Variants in SLC25A30 observed in about 807,000 individuals in gnomAD.
SLC25A30 encodes the protein solute carrier family 25 member 30.
In SLC25A30, 29 loss-of-function variants were observed where a neutral mutation model predicts 42.7. The observed-to-expected ratio is 0.68, with a 90% confidence interval of 0.51 to 0.93. SLC25A30 has a LOEUF of 0.93. Ranked by LOEUF, SLC25A30 falls within the 40% of genes least tolerant of loss-of-function variation. The pLI, the probability that SLC25A30 is intolerant of heterozygous loss-of-function variation, is 0.00. For missense variants in SLC25A30, 300 were observed against 359.7 expected, an observed-to-expected ratio of 0.83 and a Z score of 1.34; for synonymous variants, 124 against 131.0, an observed-to-expected ratio of 0.95 and a Z score of 0.37.
At chr13:45,417,073 G>A (rs1380652817) in intron 1 of SLC25A30, among the ~76,000 whole-genome samples, 2 of 152,168 alleles carry the variant, frequency 1.3e-5, no homozygotes, top group African/African-American at 4.8e-5. Flanking sequence ...GAGTACAATA[G>A]CATGATCTCG....
At chr13:45,425,063 T>TATATATATAAATATATAA in the SLC25A30 span, among the ~76,000 whole-genome samples, 2 of 77,780 alleles carry the variant, frequency 2.6e-5, 1 homozygote, top group Non-Finnish European at 4.5e-5. Context: ...AATATATAAG[T>TATATATATAAATATATAA]ATATATACAT....
At chr13:45,416,089 C>T (rs1020608706) in intron 1 of SLC25A30, among the ~76,000 whole-genome samples, 6 of 151,410 alleles carry the variant, frequency 4.0e-5, no homozygotes, top group African/African-American at 7.3e-5. Flanking sequence ...TGAACCACGG[C>T]GCCCGGTCCA....
At chr13:45,424,450 TATATAAAC>T in the SLC25A30 span, among the ~76,000 whole-genome samples, 19 of 66,062 alleles carry the variant, frequency 2.9e-4, no homozygotes, top group Non-Finnish European at 3.6e-4. Context: ...TATATAAAAA[TATATAAAC>T]ATATAAAAAT....
rs575966634 is a variant in SLC25A30, at chr13:45,393,546, G to A, written c.*2428C>T. On this transcript the variant is annotated 3_prime_UTR_variant, in exon 10 of 10. Transcript: ENST00000519676. ...CATCAATGATTACACAAATCCATAAGCACACAAACAAAAAAACCCATTGGT... is the reference window on the plus strand; with the variant it reads ...CATCAATGATTACACAAATCCATAAACACACAAACAAAAAAACCCATTGGT... 3.0e-6 allele frequency: 3 copies of A among 985,234 alleles called. No homozygotes were observed. The African/African-American group carries it at 5.2e-5, about 17-fold the overall frequency. 61.0% of individuals were successfully genotyped at this position (985,234 alleles called of 1,614,324 possible). A position where few individuals can be genotyped will look rare whatever the true frequency, so the allele number is the denominator to read the frequency against.
chr13:45,402,916 A>G (rs951188455), intron 5 of SLC25A30: 6 of 512,290 alleles, frequency 1.2e-5, no homozygotes, highest in Middle Eastern at 9.5e-4. Flanking sequence ...AGTGGAATCC[A>G]CATGACCAAG....
At chr13:45,425,946 G>A in the SLC25A30 span, among the ~76,000 whole-genome samples, 2 of 147,804 alleles carry the variant, frequency 1.4e-5, no homozygotes, top group African/African-American at 2.5e-5. Flanking sequence ...ACCTGCCTCA[G>A]CCTCCCAAAG....
chr13:45,428,233 G>A, the SLC25A30 span, among the ~76,000 whole-genome samples: 1 of 148,248 alleles, frequency 6.7e-6, no homozygotes, highest in African/African-American at 2.5e-5. Flanking sequence ...TTTTTTTTGA[G>A]ACAGAGTCTC....
the SLC25A30 span, among the ~76,000 whole-genome samples, chr13:45,430,306 CTT>C: frequency 6.6e-6 from 1 of 151,712 alleles, no homozygotes; most frequent in Non-Finnish European, 1.5e-5. Flanking sequence ...AAGAGTAAGT[CTT>C]TACTTAAAGA....
chr13:45,398,863 C>T (rs1191776940), intron 8 of SLC25A30, 77 bp downstream of exon 8: 1 of 1,510,648 alleles, frequency 6.6e-7, no homozygotes, highest in Non-Finnish European at 9.0e-7. Flanking sequence ...GTTTTAGTAG[C>T]TTTCATAATT....
chr13:45,425,609 C>CATATATATAAAT, the SLC25A30 span, among the ~76,000 whole-genome samples: 1 of 27,148 alleles, frequency 3.7e-5, no homozygotes, highest in African/African-American at 1.5e-4. Context: ...TATATATATA[C>CATATATATAAAT]ATATATAAAT....
At chr13:45,423,600 TATATAA>T in the SLC25A30 span, among the ~76,000 whole-genome samples, 2 of 106,004 alleles carry the variant, frequency 1.9e-5, 1 homozygote, top group Non-Finnish European at 3.5e-5. Context: ...AATATATATA[TATATAA>T]ATATATATAA....
chr13:45,431,983 C>G, the SLC25A30 span, among the ~76,000 whole-genome samples: 54 of 151,902 alleles, frequency 3.6e-4, no homozygotes, highest in Non-Finnish European at 6.8e-4. Flanking sequence ...TAAAATACAT[C>G]TCAGGGCCGG....
chr13:45,426,590 G>T, the SLC25A30 span, among the ~76,000 whole-genome samples: 1 of 152,032 alleles, frequency 6.6e-6, no homozygotes, highest in African/African-American at 2.4e-5. Context: ...ATCGTTTCCT[G>T]AGCCTGTTGG....
At chr13:45,419,124 C>A (rs1175251651), upstream of SLC25A30, among the ~76,000 whole-genome samples, 2 of 114,686 alleles carry the variant, frequency 1.7e-5, no homozygotes, top group Non-Finnish European at 3.8e-5. Context: ...AAGTGATACT[C>A]CCTCTTAAAA....
chr13:45,417,543 G>A (rs1883640066), intron 1 of SLC25A30, among the ~76,000 whole-genome samples: 2 of 152,092 alleles, frequency 1.3e-5, no homozygotes, highest in Non-Finnish European at 2.9e-5. Context: ...ACAAAAAGCC[G>A]GGTTTAAAAG....
At chr13:45,423,373 T>C (rs1479594090), upstream of SLC25A30, among the ~76,000 whole-genome samples, 1 of 150,710 alleles carries the variant, frequency 6.6e-6, no homozygotes, top group African/African-American at 2.5e-5. Flanking sequence ...ATCTGGTTTA[T>C]TTAATTTTAC....
At chr13:45,398,102 A>T (rs1315364595) in intron 8 of SLC25A30, 1 of 977,466 alleles carries the variant, frequency 1.0e-6, no homozygotes, top group African/African-American at 1.8e-5. Flanking sequence ...GTTGGAAAAC[A>T]GGAACCACAA....
the SLC25A30 span, among the ~76,000 whole-genome samples, chr13:45,424,993 T>A: frequency 2.2e-5 from 1 of 44,558 alleles, no homozygotes; most frequent in Non-Finnish European, 3.5e-5. Flanking sequence ...AAAATATATA[T>A]AAATATATAA....
the SLC25A30 span, among the ~76,000 whole-genome samples, chr13:45,425,129 A>AATATATATATAAATAT: frequency 1.1e-4 from 3 of 26,750 alleles, no homozygotes; most frequent in African/African-American, 2.9e-4. Flanking sequence ...TAAATATATA[A>AATATATATATAAATAT]GTATATAAAT....
Sources: gnomAD v4.1 joint callset for allele counts (sites outside exome capture counted in the v4.1 genomes callset) on GRCh38, gnomAD v4.1.1 for gene constraint, MANE v1.5 for transcripts, NCBI Gene and HGNC (gene_info 2026-07-23, HGNC 2026-07-21) for gene names.